The following GDPD3 variants were observed in gnomAD, a reference collection of about 807,000 sequenced individuals.
GDPD3 encodes the protein glycerophosphodiester phosphodiesterase domain containing 3.
A neutral mutation model predicts 43.7 loss-of-function variants in GDPD3; 40 were observed. That is an observed-to-expected ratio of 0.91 (90% CI 0.71 to 1.19). GDPD3 has a LOEUF of 1.19. Ranked by LOEUF, GDPD3 falls within the 50% of genes most tolerant of loss-of-function variation. The pLI is 0.00. For synonymous variants in GDPD3, 145 were observed against 162.9 expected (o/e 0.89, Z 0.84); for missense variants, 363 against 415.8 (o/e 0.87, Z 1.11).
chr16:30,111,965 C>T, intron 6 of GDPD3, 167 bp downstream of exon 6: 1 of 613,156 alleles, frequency 1.6e-6, no homozygotes, highest in Non-Finnish European at 2.9e-6. Flanking sequence ...CACATCTTGG[C>T]TCTGTGTTCG....
Position 30,112,289 on chromosome 16 carries a change from C to A in GDPD3, c.483+17G>T. On this transcript the variant is annotated intron_variant, in intron 5 of 9. Coordinates refer to ENST00000406256, the MANE Select transcript of GDPD3 (RefSeq NM_024307.3). This position sits in a 1 kb window ranked among gnomAD's most constrained non-coding sequence, Gnocchi z 5.4. ...TCACGCCCCCGGTGGCCGCCCTAGC[C>A]CTGCCTGCAGCACCACCTCACGGAT... The A allele has an allele frequency of 6.2e-7, 1 of 1,613,738 alleles. No homozygotes were observed. Among genetic ancestry groups the A allele is most frequent in the Non-Finnish European group, 8.5e-7 (1 of 1,179,678 alleles).
intron 7 of GDPD3, 168 bp downstream of exon 7, chr16:30,111,220 G>T: frequency 2.8e-6 from 2 of 727,150 alleles, no homozygotes; most frequent in Non-Finnish European, 4.6e-6. Context: ...ATTTCAGGGT[G>T]TTCACAGTTC....
Position 30,108,343 on chromosome 16 carries a change from C to A in GDPD3, c.767+30G>T, listed in dbSNP as rs200607779. ...GGGCAGCAGTAGGTCTCTATGGGGA[C>A]ACGCCACCCAGCCATCTTGCCCACC... On this transcript the variant is annotated intron_variant, in intron 8 of 9. Coordinates refer to ENST00000406256, the MANE Select transcript of GDPD3 (RefSeq NM_024307.3). 4.2e-4 allele frequency: 682 copies of A among 1,613,502 alleles called. 15 individuals are homozygous for A. The South Asian group carries it at 7.0e-3, about 17-fold the overall frequency.
chr16:30,112,605 A>G lies in GDPD3; in HGVS notation c.319-37T>C. 1 of 1,613,810 alleles carries G rather than the reference A, an allele frequency of 6.2e-7. No homozygotes were observed. The highest frequency in any genetic ancestry group is 8.5e-7 in the Non-Finnish European group (1 of 1,179,924). On this transcript the variant is annotated intron_variant, in intron 3 of 9. Transcript: ENST00000406256. The surrounding 1 kb of genome is among the most constrained non-coding windows in gnomAD (Gnocchi z 5.4). ...AGGAAGGATGTCACTAGAGGCCCGC[A>G]TTGGGCATGGTGACTCTCAGGGTGG... is the stretch of plus-strand genomic sequence containing the variant.
In GDPD3 at chr16:30,112,757, G is replaced by A; in HGVS notation, c.219C>T (p.Asp73=). 6.2e-7 allele frequency: 1 copy of A among 1,612,318 alleles called. No homozygotes were observed. Among genetic ancestry groups the A allele is most frequent in the Non-Finnish European group, 8.5e-7 (1 of 1,179,960 alleles). Residue 73 remains aspartate (D), a synonymous_variant, in exon 3 of 10, where the codon GAC becomes GAT. Transcript: ENST00000406256. This position sits in a 1 kb window ranked among gnomAD's most constrained non-coding sequence, Gnocchi z 5.4. ...CCACTCTGTCCCGTGTCAGCTGACA[G>A]TCGAGCTCCAGGAGGTCCGAGCGCT... is the stretch of plus-strand genomic sequence containing the variant. ...MAQRSDLLEL[D]CQLTRDRVVV...
In GDPD3 at chr16:30,113,277, C is replaced by T; in HGVS notation, c.139+63G>A. The T allele has an allele frequency of 6.5e-7, 1 of 1,538,298 alleles. No homozygotes were observed. The highest frequency in any genetic ancestry group is 8.8e-7 in the Non-Finnish European group (1 of 1,138,152). On this transcript the variant is annotated intron_variant, in intron 1 of 9. Coordinates refer to ENST00000406256, the MANE Select transcript of GDPD3 (RefSeq NM_024307.3). This position sits in a 1 kb window ranked among gnomAD's most constrained non-coding sequence, Gnocchi z 5.9. ...GTCCCTGCCCCGTTTCTAGCATGCC[C>T]CCTTGGACCTACCCCTCTGTGCTGT...
chr16:30,111,168 G>A, intron 7 of GDPD3: 1 of 524,506 alleles, frequency 1.9e-6, no homozygotes, highest in South Asian at 2.5e-5. Flanking sequence ...GCCTGAGATG[G>A]ATAAATTACC....
In GDPD3 at chr16:30,112,040, T is replaced by C; in HGVS notation, c.573+92A>G. 1.0e-6 allele frequency: 1 copy of C among 988,504 alleles called. No homozygotes were observed. The highest frequency in any genetic ancestry group is 1.4e-5 in the South Asian group (1 of 73,768). The allele number at this position is 988,504 out of a possible 1,614,324, so 61.2% of individuals were successfully genotyped here. A position where few individuals can be genotyped will look rare whatever the true frequency, so the allele number is the denominator to read the frequency against. ...CACTGGGAACTCTCCCAGACCCCTCTAGCTCGGGTCCCCATGCTGGGTGGG... is the reference window on the plus strand; with the variant it reads ...CACTGGGAACTCTCCCAGACCCCTCCAGCTCGGGTCCCCATGCTGGGTGGG... On this transcript the variant is annotated intron_variant, in intron 6 of 9. Coordinates refer to ENST00000406256, the MANE Select transcript of GDPD3 (RefSeq NM_024307.3). The surrounding 1 kb of genome is among the most constrained non-coding windows in gnomAD (Gnocchi z 5.4).
In GDPD3 at chr16:30,113,141, C is replaced by T. The variant is rs995995409; in HGVS notation, c.140-77G>A. On this transcript the variant is annotated intron_variant, in intron 1 of 9. Coordinates refer to ENST00000406256, the MANE Select transcript of GDPD3 (RefSeq NM_024307.3). This position sits in a 1 kb window ranked among gnomAD's most constrained non-coding sequence, Gnocchi z 5.9. ...CCCAACCTCATCACCCACATTCCCTCTCTGGGCTCCATCCTCCCTCTGGCC... is the reference window on the plus strand; with the variant it reads ...CCCAACCTCATCACCCACATTCCCTTTCTGGGCTCCATCCTCCCTCTGGCC... 2.5e-5 allele frequency: 35 copies of T among 1,427,788 alleles called. No homozygotes were observed. The highest frequency in any genetic ancestry group is 5.5e-5 in the Admixed American group (3 of 54,210). 88.4% of individuals were successfully genotyped at this position (1,427,788 alleles called of 1,614,324 possible). A position where few individuals can be genotyped will look rare whatever the true frequency, so the allele number is the denominator to read the frequency against.
At position 30,112,071 on chromosome 16, in the gene GDPD3, G is replaced by C; in HGVS notation, c.573+61C>G. The C allele has an allele frequency of 7.3e-7, 1 of 1,378,346 alleles. No homozygotes were observed. The highest frequency in any genetic ancestry group is 1.2e-5 in the South Asian group (1 of 85,790). 85.4% of individuals were successfully genotyped at this position (1,378,346 alleles called of 1,614,324 possible). A position where few individuals can be genotyped will look rare whatever the true frequency, so the allele number is the denominator to read the frequency against. ...GGGTCCCCATGCTGGGTGGGCTCCA[G>C]CTCTGGGGAGGAGGGGCCCCTGGAG... is the stretch of plus-strand genomic sequence containing the variant. On this transcript the variant is annotated intron_variant, in intron 6 of 9. Coordinates refer to ENST00000406256, the MANE Select transcript of GDPD3 (RefSeq NM_024307.3). This position sits in a 1 kb window ranked among gnomAD's most constrained non-coding sequence, Gnocchi z 5.4.
At chr16:30,109,035 T>G (rs916006200) in intron 7 of GDPD3, among the ~76,000 whole-genome samples, 13 of 152,192 alleles carry the variant, frequency 8.5e-5, no homozygotes, top group East Asian at 1.9e-4. Flanking sequence ...TTTCACCCTG[T>G]TAGCCAGGAT....
chr16:30,112,082 G>A lies in GDPD3; in HGVS notation c.573+50C>T, dbSNP rs753341531. 2 of 1,477,472 alleles carry A rather than the reference G, an allele frequency of 1.4e-6. No homozygotes were observed. The highest frequency in any genetic ancestry group is 4.5e-5 in the East Asian group (2 of 44,138). 91.5% of individuals were successfully genotyped at this position (1,477,472 alleles called of 1,614,324 possible). On this transcript the variant is annotated intron_variant, in intron 6 of 9. Coordinates refer to ENST00000406256, the MANE Select transcript of GDPD3 (RefSeq NM_024307.3). This position sits in a 1 kb window ranked among gnomAD's most constrained non-coding sequence, Gnocchi z 5.4. ...CTGGGTGGGCTCCAGCTCTGGGGAG[G>A]AGGGGCCCCTGGAGGAGGAAGAGGA...
At chr16:30,105,984 G>A (rs1424416168) in intron 9 of GDPD3, among the ~76,000 whole-genome samples, 5 of 151,856 alleles carry the variant, frequency 3.3e-5, no homozygotes, top group African/African-American at 1.2e-4. Flanking sequence ...GGTGGCGGGC[G>A]ACTGTAATCC....
chr16:30,112,775 C>T lies in GDPD3; in HGVS notation c.201G>A (p.Ser67=), dbSNP rs192236532. The T allele has an allele frequency of 6.8e-6, 11 of 1,609,428 alleles. No individual in the cohort carries two copies. Among genetic ancestry groups the T allele is most frequent in the South Asian group, 2.2e-5 (2 of 91,066 alleles). Residue 67 remains serine (S), a synonymous_variant, in exon 3 of 10, where the codon TCG becomes TCA. Transcript: ENST00000406256. The surrounding 1 kb of genome is among the most constrained non-coding windows in gnomAD (Gnocchi z 5.4). ...EAMENSMAQR[S]DLLELDCQLT... ...GCTGACAGTCGAGCTCCAGGAGGTC[C>T]GAGCGCTGGGCCATGGAGCTGTGGG... is the stretch of plus-strand genomic sequence containing the variant.
At chr16:30,109,739 A>G (rs1408582771) in intron 7 of GDPD3, among the ~76,000 whole-genome samples, 1 of 152,086 alleles carries the variant, frequency 6.6e-6, no homozygotes, top group Non-Finnish European at 1.5e-5. Flanking sequence ...TGGGAGGCGG[A>G]GGTTGCGGTG....
intron 9 of GDPD3, among the ~76,000 whole-genome samples, chr16:30,107,122 C>T (rs1360656243): frequency 6.6e-6 from 1 of 151,616 alleles, no homozygotes; most frequent in African/African-American, 2.4e-5. Flanking sequence ...TTGAGACAGT[C>T]TGGCTATCTC....
intron 7 of GDPD3, among the ~76,000 whole-genome samples, chr16:30,110,158 C>T (rs574966316): frequency 2.6e-5 from 4 of 152,116 alleles, no homozygotes; most frequent in South Asian, 4.2e-4. Flanking sequence ...TGTATAAGGC[C>T]GGGCGCAGTG....
chr16:30,108,530 C>A, intron 7 of GDPD3, 98 bp from the exon 8 acceptor site: 2 of 1,036,932 alleles, frequency 1.9e-6, no homozygotes, highest in Non-Finnish European at 3.0e-6. Flanking sequence ...GTAGCGCTGC[C>A]CTCCCACCCC....
intron 7 of GDPD3, among the ~76,000 whole-genome samples, chr16:30,108,702 C>A (rs1260728594): frequency 6.6e-6 from 1 of 152,152 alleles, no homozygotes; most frequent in Non-Finnish European, 1.5e-5. Context: ...CTTGCCAGAC[C>A]CAAAGCAGAG....
Sources: gnomAD v4.1 joint callset for allele counts (sites outside exome capture counted in the v4.1 genomes callset) on GRCh38, gnomAD v4.1.1 for gene constraint, Gnocchi (gnomAD v3.1) non-coding constraint, MANE v1.5 for transcripts, NCBI Gene and HGNC (gene_info 2026-07-23, HGNC 2026-07-21) for gene names.